Variants in ATXN7L1 observed in about 807,000 individuals in gnomAD.
ATXN7L1 encodes ataxin-7-like protein 1.
In ATXN7L1, 15 loss-of-function variants were observed where a neutral mutation model predicts 70.8. The ratio of observed to expected loss-of-function variants is 0.21; its 90% CI spans 0.14 to 0.33. The LOEUF is 0.33. Ranked by LOEUF, ATXN7L1 falls within the 10% of genes least tolerant of loss-of-function variation. ATXN7L1 has a pLI of 1.00. For missense variants in ATXN7L1, 975 were observed against 1,097.1 expected, an observed-to-expected ratio of 0.89 and a Z score of 1.57; for synonymous variants, 440 against 445.1, an observed-to-expected ratio of 0.99 and a Z score of 0.14.
chr7:105,668,351 A>C (rs1326634396), intron 3 of ATXN7L1, among the ~76,000 whole-genome samples: 1 of 152,158 alleles, frequency 6.6e-6, no homozygotes, highest in African/African-American at 2.4e-5. Flanking sequence ...CTCCCAACTC[A>C]GCCTTCTGAG....
intron 7 of ATXN7L1, among the ~76,000 whole-genome samples, chr7:105,627,600 C>T (rs372313304): frequency 2.7e-5 from 4 of 149,142 alleles, no homozygotes; most frequent in Non-Finnish European, 3.0e-5. Context: ...GGTGCGACCT[C>T]GGCTCACTGC....
chr7:105,876,285 C>CTT, intron 1 of ATXN7L1, 93 bp downstream of exon 1: 1 of 1,421,830 alleles, frequency 7.0e-7, no homozygotes, highest in Non-Finnish European at 9.4e-7. Context: ...GGGGGCCACT[C>CTT]TCTCTCTCAC....
rs531010312 is a variant in ATXN7L1, at chr7:105,868,671, T to G, written c.250+7141A>C. 5.3e-5 allele frequency among the ~76,000 whole-genome samples: 8 copies of G among 150,424 alleles called. No homozygotes were observed. The South Asian group carries it at 1.7e-3, about 32-fold the overall frequency. ...ATCTTTGGAAGAATACACAAGCAAC[T>G]GGGGATGGGGTGGGAGGGAGACTTA... On this transcript the variant is annotated intron_variant, in intron 2 of 11. Transcript: ENST00000419735.
At chr7:105,648,266 CT>C (rs1197744551) in intron 4 of ATXN7L1, among the ~76,000 whole-genome samples, 5 of 152,168 alleles carry the variant, frequency 3.3e-5, no homozygotes, top group Admixed American at 3.3e-4. Context: ...GTCCCTGATA[CT>C]TTTTTCTTTG....
rs569300993 is a variant in ATXN7L1, at chr7:105,752,590, T to C, written c.355+36014A>G. Among the ~76,000 whole-genome samples, 216 of 152,320 alleles carry C rather than the reference T, an allele frequency of 1.4e-3. 1 individual carries two copies. Among genetic ancestry groups the C allele is most frequent in the Admixed American group, 2.5e-3 (39 of 15,304 alleles). On this transcript the variant is annotated intron_variant, in intron 3 of 11. Transcript: ENST00000419735. ...GTTAGCTTCCCAGGTGGCTCAAACA[T>C]GTAGTTGAGGCTGAGAAGCACTGGC...
chr7:105,611,028 C>A (rs1793101044), intron 10 of ATXN7L1, among the ~76,000 whole-genome samples: 1 of 152,344 alleles, frequency 6.6e-6, no homozygotes, highest in Non-Finnish European at 1.5e-5. Context: ...GCCCAGACTC[C>A]CTCAGCCTGG....
chr7:105,653,330 C>G (rs989181941), intron 4 of ATXN7L1, among the ~76,000 whole-genome samples: 3 of 152,098 alleles, frequency 2.0e-5, no homozygotes, highest in African/African-American at 7.2e-5. Context: ...TGCCGGTAAT[C>G]CCAGCTACTT....
intron 3 of ATXN7L1, among the ~76,000 whole-genome samples, chr7:105,691,798 G>A (rs1353512855): frequency 6.6e-6 from 1 of 152,154 alleles, no homozygotes; most frequent in African/African-American, 2.4e-5. Context: ...TGCACAGCCC[G>A]ACGGCTGACC....
rs1792700239 is a variant in ATXN7L1 at position 105,605,058 on chromosome 7, T to TTTTTTTTTTTTTTG, written c.*2793_*2794insCAAAAAAAAAAAAA. The TTTTTTTTTTTTTTG allele has an allele frequency of 6.9e-6, 1 of 145,246 alleles. No individual in the cohort carries two copies. The highest frequency in any genetic ancestry group is 7.0e-5 in the Admixed American group (1 of 14,364). The allele number at this position is 145,246 out of a possible 1,614,324, so 9.0% of individuals were successfully genotyped here. ...TCCAAGTCGCTTTTTTTTTTTTTTT[T>TTTTTTTTTTTTTTG]TTTTTTTTATGGCTGACAGGTCTAT... On this transcript the variant is annotated 3_prime_UTR_variant, in exon 12 of 12. Coordinates refer to ENST00000419735, the MANE Select transcript of ATXN7L1 (RefSeq NM_020725.2).
chr7:105,607,673 T>A lies in ATXN7L1; in HGVS notation c.*179A>T, dbSNP rs1792816320. ...TCTGTAAATCTCAAATTCACCTTCT[T>A]TTGCCTTTTTAACTAAAAATTGGTC... is the stretch of plus-strand genomic sequence containing the variant. On this transcript the variant is annotated 3_prime_UTR_variant, in exon 12 of 12. Transcript: ENST00000419735. 2 of 587,994 alleles carry A rather than the reference T, an allele frequency of 3.4e-6. No individual in the cohort carries two copies. Among genetic ancestry groups the A allele is most frequent in the South Asian group, 4.8e-5 (2 of 41,666 alleles). 36.4% of individuals were successfully genotyped at this position (587,994 alleles called of 1,614,324 possible).
chr7:105,668,304 G>A (rs1368682740), intron 3 of ATXN7L1, among the ~76,000 whole-genome samples: 1 of 152,174 alleles, frequency 6.6e-6, no homozygotes, highest in East Asian at 1.9e-4. Flanking sequence ...CACGATCATG[G>A]CTTACTGCAA....
intron 3 of ATXN7L1, among the ~76,000 whole-genome samples, chr7:105,672,975 G>C (rs1047790474): frequency 6.6e-6 from 1 of 152,112 alleles, no homozygotes; most frequent in African/African-American, 2.4e-5. Context: ...GCAGCTGACT[G>C]TTTCAAGACC....
intron 3 of ATXN7L1, among the ~76,000 whole-genome samples, chr7:105,772,115 CCAGGCTGAAGTG>C (rs1421187990): frequency 7.0e-6 from 1 of 142,586 alleles, no homozygotes; most frequent in Admixed American, 7.3e-5. Context: ...GCTCTGTCGC[CCAGGCTGAAGTG>C]CAGTGGCACG....
chr7:105,790,654 C>T (rs796922540), intron 2 of ATXN7L1, among the ~76,000 whole-genome samples: 8,941 of 102,314 alleles, frequency 0.087, 348 homozygotes, highest in Non-Finnish European at 0.092. Context: ...ATCTATCTAT[C>T]ATCTATCTAC....
intron 3 of ATXN7L1, among the ~76,000 whole-genome samples, chr7:105,692,408 T>TCCTC (rs1190928296): frequency 8.3e-6 from 1 of 120,318 alleles, no homozygotes; most frequent in Non-Finnish European, 1.7e-5. Flanking sequence ...CTTCCTTCCT[T>TCCTC]CCTTCCTTCC....
At chr7:105,708,336 C>G (rs1401105141) in intron 3 of ATXN7L1, among the ~76,000 whole-genome samples, 1 of 152,156 alleles carries the variant, frequency 6.6e-6, no homozygotes, top group Non-Finnish European at 1.5e-5. Flanking sequence ...CACTGTGATT[C>G]TGTGAGGCAC....
intron 3 of ATXN7L1, among the ~76,000 whole-genome samples, chr7:105,739,074 G>A (rs531992793): frequency 2.2e-4 from 34 of 152,234 alleles, no homozygotes; most frequent in Non-Finnish European, 2.4e-4. Flanking sequence ...ATGCAAATCC[G>A]GAAGGTACAA....
rs763216202 is a variant in ATXN7L1, at chr7:105,614,422, C to G, written c.1912G>C (p.Glu638Gln). The change falls in exon 10 of 12, where the codon GAG becomes CAG. Residue 638 changes from glutamate to glutamine, a missense_variant. Physicochemically the swap from Glu to Gln is conservative, Grantham distance 29. Around this residue, in one of 5 missense-constraint regions of ATXN7L1, gnomAD observed 635 missense variants for 699.4 expected, o/e 0.91. Coordinates refer to ENST00000419735, the MANE Select transcript of ATXN7L1 (RefSeq NM_020725.2). The surrounding 1 kb of genome is among the most constrained non-coding windows in gnomAD (Gnocchi z 4.3). ...KVKDLSTRSD[E>Q]SPSNKKRKPQ... ...TTCCTTTTTTTGTTACTTGGAGACT[C>G]GTCGCTACGGGTGGACAGGTCTTTG... is the stretch of plus-strand genomic sequence containing the variant. 1 of 1,550,598 alleles carries G rather than the reference C, an allele frequency of 6.4e-7. No homozygotes were observed. Among genetic ancestry groups the G allele is most frequent in the African/African-American group, 1.4e-5 (1 of 72,884 alleles).
chr7:105,751,367 C>G (rs2116387108), intron 3 of ATXN7L1, among the ~76,000 whole-genome samples: 1 of 152,252 alleles, frequency 6.6e-6, no homozygotes, highest in East Asian at 1.9e-4. Context: ...TTCCCAGCAC[C>G]CCAGAAAGGC....
Sources: allele counts gnomAD v4.1 joint callset (sites outside exome capture counted in the v4.1 genomes callset), GRCh38; gene constraint gnomAD v4.1.1; regional missense constraint gnomAD v4.1.1; non-coding constraint Gnocchi (gnomAD v3.1); transcripts MANE v1.5; gene names NCBI Gene and HGNC (gene_info 2026-07-23, HGNC 2026-07-21).